The following PLCB4 variants were observed in gnomAD, a reference collection of about 807,000 sequenced individuals.
PLCB4 encodes the protein 1-phosphatidylinositol 4,5-bisphosphate phosphodiesterase beta-4.
In PLCB4, 77 loss-of-function variants were observed where a neutral mutation model predicts 178.8. The observed-to-expected ratio is 0.43, with a 90% CI of 0.36 to 0.52. PLCB4 has a LOEUF of 0.52. Ranked by LOEUF, PLCB4 falls within the 20% of genes least tolerant of loss-of-function variation. PLCB4 has a pLI of 0.00. For missense variants in PLCB4, 1,024 were observed against 1,453.4 expected (o/e 0.70, Z 4.80); for synonymous variants, 496 against 490.8 (o/e 1.01, Z -0.14).
chr20:9,385,735 G>A (rs141376318), intron 14 of PLCB4, among the ~76,000 whole-genome samples: 2,087 of 151,130 alleles, frequency 0.014, 23 homozygotes, highest in Non-Finnish European at 0.023. Context: ...CTTCCCAGAC[G>A]GGGCGGCCGG....
intron 19 of PLCB4, among the ~76,000 whole-genome samples, chr20:9,400,431 T>C (rs1288645505): frequency 6.6e-6 from 1 of 152,242 alleles, no homozygotes; most frequent in Admixed American, 6.5e-5. Flanking sequence ...ATTTTTCATT[T>C]ACTCCTGTTC....
intron 3 of PLCB4, among the ~76,000 whole-genome samples, chr20:9,302,431 T>C (rs960639274): frequency 2.0e-5 from 3 of 152,108 alleles, no homozygotes; most frequent in Non-Finnish European, 4.4e-5. Flanking sequence ...GTACCATGTG[T>C]GTAAAATAAC....
chr20:9,271,906 G>A (rs950848903), intron 3 of PLCB4, among the ~76,000 whole-genome samples: 1 of 151,922 alleles, frequency 6.6e-6, no homozygotes, highest in Non-Finnish European at 1.5e-5. Context: ...GCTGGGTGTG[G>A]GGGCTCACAC....
rs563256561 is a variant in PLCB4, at chr20:9,098,419, C to T, written c.-79+2077C>T. Among the ~76,000 whole-genome samples the T allele has an allele frequency of 2.0e-5, 3 of 152,010 alleles. No individual in the cohort carries two copies. The East Asian group carries it at 5.9e-4, about 30-fold the overall frequency. ...TCAACTACTAGGAAAGTTGCTTTTTCGCATTTATCCAACATTAATCTAAAA... is the reference window on the plus strand; with the variant it reads ...TCAACTACTAGGAAAGTTGCTTTTTTGCATTTATCCAACATTAATCTAAAA... On this transcript the variant is annotated intron_variant, in intron 2 of 39. Coordinates refer to ENST00000378473, the MANE Select transcript of PLCB4 (RefSeq NM_001377142.1).
At chr20:9,367,408 A>G (rs2035877450) in intron 9 of PLCB4, among the ~76,000 whole-genome samples, 1 of 152,196 alleles carries the variant, frequency 6.6e-6, no homozygotes, top group Non-Finnish European at 1.5e-5. Context: ...TCTGCTTTAG[A>G]AGATTGAAAA....
chr20:9,294,616 G>T (rs2094613079), intron 3 of PLCB4, among the ~76,000 whole-genome samples: 1 of 152,140 alleles, frequency 6.6e-6, no homozygotes, highest in Non-Finnish European at 1.5e-5. Flanking sequence ...GGCTGGGCTG[G>T]ATAAGGATTT....
intron 17 of PLCB4, 126 bp downstream of exon 17, chr20:9,390,741 GA>G (rs1417880275): frequency 1.8e-6 from 1 of 545,712 alleles, no homozygotes; most frequent in Non-Finnish European, 3.3e-6. Flanking sequence ...CTTTGGTACG[GA>G]AAGCTTACAT....
intron 1 of PLCB4, among the ~76,000 whole-genome samples, chr20:9,081,800 C>CT (rs2090162322): frequency 8.2e-6 from 1 of 122,566 alleles, no homozygotes; most frequent in African/African-American, 3.0e-5. Flanking sequence ...GTTTAGTAAA[C>CT]CGAAGCCATC....
intron 2 of PLCB4, among the ~76,000 whole-genome samples, chr20:9,116,852 A>C (rs988070824): frequency 1.3e-5 from 2 of 152,200 alleles, no homozygotes; most frequent in Non-Finnish European, 2.9e-5. Flanking sequence ...CTATTGATTT[A>C]GGTCATTTTT....
chr20:9,330,035 C>T (rs547763944), intron 4 of PLCB4, among the ~76,000 whole-genome samples: 7 of 152,190 alleles, frequency 4.6e-5, no homozygotes, highest in African/African-American at 1.4e-4. Context: ...CTGAGAGAGG[C>T]GGTGTTTGTG....
intron 2 of PLCB4, among the ~76,000 whole-genome samples, chr20:9,101,188 A>G (rs183961925): frequency 9.2e-5 from 14 of 152,262 alleles, no homozygotes; most frequent in Admixed American, 4.6e-4. Flanking sequence ...CTCCATTTGT[A>G]TGTAGGTGAG....
intron 28 of PLCB4, among the ~76,000 whole-genome samples, chr20:9,433,036 G>A (rs116904496): frequency 2.0e-5 from 3 of 151,982 alleles, no homozygotes; most frequent in Non-Finnish European, 2.9e-5. Context: ...TGCAGAGATC[G>A]AGTTGCCACC....
intron 33 of PLCB4, among the ~76,000 whole-genome samples, chr20:9,456,325 T>G (rs80120195): frequency 6.6e-6 from 1 of 152,216 alleles, no homozygotes; most frequent in African/African-American, 2.4e-5. Flanking sequence ...GCTTCCAGCT[T>G]TGGCTAATGA....
rs141799205 is a variant in PLCB4, at chr20:9,440,713, G to A, written c.2765-3268G>A. 1.4e-3 allele frequency among the ~76,000 whole-genome samples: 206 copies of A among 152,284 alleles called. 1 individual carries two copies. The Middle Eastern group carries it at 0.014, about 10-fold the overall frequency. ...ATGTAAGTAGGTGTGGAAACAGGGAGGGGTGGAATTTTTTGGCCATTTTTG... is the reference window on the plus strand; with the variant it reads ...ATGTAAGTAGGTGTGGAAACAGGGAAGGGTGGAATTTTTTGGCCATTTTTG... On this transcript the variant is annotated intron_variant, in intron 30 of 39. Transcript: ENST00000378473.
intron 2 of PLCB4, among the ~76,000 whole-genome samples, chr20:9,178,022 G>A (rs947171010): frequency 6.6e-6 from 1 of 152,100 alleles, no homozygotes; most frequent in African/African-American, 2.4e-5. Flanking sequence ...TTGATAAATC[G>A]TTAAAAATAA....
At chr20:9,151,328 T>G (rs1440805427) in intron 2 of PLCB4, among the ~76,000 whole-genome samples, 1 of 152,238 alleles carries the variant, frequency 6.6e-6, no homozygotes, top group East Asian at 1.9e-4. Context: ...CCTGGAACCA[T>G]TCCCTTACAG....
At chr20:9,230,029 G>T (rs2093914841) in intron 3 of PLCB4, among the ~76,000 whole-genome samples, 1 of 152,118 alleles carries the variant, frequency 6.6e-6, no homozygotes, top group Non-Finnish European at 1.5e-5. Context: ...CAGTTCTGGA[G>T]GCCAGAAGTC....
At chr20:9,076,786 T>C (rs1182450718) in intron 1 of PLCB4, among the ~76,000 whole-genome samples, 2 of 152,116 alleles carry the variant, frequency 1.3e-5, no homozygotes, top group Non-Finnish European at 2.9e-5. Flanking sequence ...GCCAAGATGC[T>C]ATTATTGGAC....
chr20:9,265,818 G>A (rs1183986985), intron 3 of PLCB4, among the ~76,000 whole-genome samples: 2 of 152,158 alleles, frequency 1.3e-5, no homozygotes, highest in East Asian at 3.9e-4. Flanking sequence ...GGGTCAAAAA[G>A]CATAGTGCCT....
Sources: allele counts gnomAD v4.1 joint callset (sites outside exome capture counted in the v4.1 genomes callset), GRCh38; gene constraint gnomAD v4.1.1; transcripts MANE v1.5; gene names NCBI Gene and HGNC (gene_info 2026-07-23, HGNC 2026-07-21).